The following RPA3 variants were observed in gnomAD, a reference collection of about 807,000 sequenced individuals.
RPA3 encodes the protein replication protein A 14 kDa subunit.
RPA3 carries 24 observed loss-of-function variants against 13.7 expected under a neutral mutation model. That is an observed-to-expected ratio of 1.75 (90% CI 1.27 to 2.46). The LOEUF (loss-of-function observed/expected upper bound fraction) is 2.46. RPA3 is among the 30% of genes most tolerant of loss of function. The pLI, the probability that RPA3 is intolerant of heterozygous loss-of-function variation, is 0.00. For synonymous variants in RPA3, 59 were observed against 51.2 expected (o/e 1.15, Z -0.65); for missense variants, 183 against 151.0 (o/e 1.21, Z -1.11).
chr7:7,644,214 G>T (rs1785042458), intron 4 of RPA3, among the ~76,000 whole-genome samples: 1 of 151,822 alleles, frequency 6.6e-6, no homozygotes, highest in African/African-American at 2.4e-5. Context: ...GATTTTTATT[G>T]GTTATTTATG....
chr7:7,643,691 C>G (rs554074468), intron 4 of RPA3, among the ~76,000 whole-genome samples: 31 of 147,254 alleles, frequency 2.1e-4, no homozygotes, highest in African/African-American at 7.1e-4. Flanking sequence ...CAACCTGGGC[C>G]ACAGAGCGAG....
intron 2 of RPA3, among the ~76,000 whole-genome samples, chr7:7,703,722 T>G (rs778543713): frequency 6.6e-6 from 1 of 152,146 alleles, no homozygotes; most frequent in Non-Finnish European, 1.5e-5. Context: ...GGCAGATCGC[T>G]TGAGCCCAGG....
Position 7,639,070 on chromosome 7 carries a change from G to C in RPA3, c.174C>G (p.Pro58=), listed in dbSNP as rs143454521. The C allele has an allele frequency of 6.2e-7, 1 of 1,607,496 alleles. No homozygotes were observed. Among genetic ancestry groups the C allele is most frequent in the Non-Finnish European group, 8.5e-7 (1 of 1,176,424 alleles). The part of the protein sequence containing the change: ...GKNGTIELME[P]LDEEISGIVE... Reference sequence around the variant, plus strand: ...GAGACTTATTAACACTTAAACATACGGGTTCCATCAACTCGATGGTTCCAT... The same window carrying C: ...GAGACTTATTAACACTTAAACATACCGGTTCCATCAACTCGATGGTTCCAT... The change falls in exon 6 of 8, where the codon CCC becomes CCG. Residue 58 remains proline, a splice_region_variant and synonymous_variant. Transcript: ENST00000223129.
chr7:7,677,658 T>TGATGGAGACAC (rs1563112336), intron 4 of RPA3, among the ~76,000 whole-genome samples: 8 of 31,172 alleles, frequency 2.6e-4, no homozygotes, highest in African/African-American at 5.2e-4. Flanking sequence ...ATTCATCTGT[T>TGATGGAGACAC]TTTTTGTTTT....
At chr7:7,716,789 C>T (rs147040048) in intron 1 of RPA3, among the ~76,000 whole-genome samples, 1 of 152,218 alleles carries the variant, frequency 6.6e-6, no homozygotes, top group East Asian at 1.9e-4. Flanking sequence ...ACTAAAAGCA[C>T]AAAAAAATTA....
At chr7:7,660,812 G>T (rs572216535) in intron 4 of RPA3, among the ~76,000 whole-genome samples, 6 of 152,234 alleles carry the variant, frequency 3.9e-5, no homozygotes, top group African/African-American at 1.4e-4. Context: ...TATCTTTGTG[G>T]TGTTCTCTGT....
intron 4 of RPA3, among the ~76,000 whole-genome samples, chr7:7,678,776 A>AAT (rs373685552): frequency 0.076 from 1,088 of 14,344 alleles, 1 homozygote; most frequent in East Asian, 0.22. Flanking sequence ...TTAGTTTATA[A>AAT]ATATATTTAT....
chr7:7,643,892 C>CT (rs1785035724), intron 4 of RPA3, among the ~76,000 whole-genome samples: 1 of 152,106 alleles, frequency 6.6e-6, no homozygotes. Flanking sequence ...GCCTGGGTCT[C>CT]TGTTTCTGCT....
rs28916315 is a variant in RPA3 at position 7,637,045 on chromosome 7, A to G, written c.321T>C (p.His107=). Residue 107 remains histidine, a synonymous_variant, in exon 8 of 8, where the codon CAT becomes CAC. Transcript: ENST00000223129. The part of the protein sequence containing the change: ...GLYNEAVKII[H]DFPQFYPLGI... ...CTAAAGGATAAAACTGAGGGAAGTC[A>G]TGGATAATTTTCACAGCTTCATTGT... 72 of 1,613,076 alleles carry G rather than the reference A, an allele frequency of 4.5e-5. No homozygotes were observed. Among genetic ancestry groups the G allele is most frequent in the African/African-American group, 4.0e-4 (30 of 75,050 alleles).
At chr7:7,679,970 T>C (rs1467881506) in intron 4 of RPA3, among the ~76,000 whole-genome samples, 1 of 152,036 alleles carries the variant, frequency 6.6e-6, no homozygotes, top group Non-Finnish European at 1.5e-5. Flanking sequence ...TTGCAAATAT[T>C]TTCTCCCATT....
intron 2 of RPA3, among the ~76,000 whole-genome samples, chr7:7,694,034 A>T (rs1244583224): frequency 1.3e-5 from 2 of 152,110 alleles, no homozygotes; most frequent in East Asian, 3.8e-4. Flanking sequence ...GTTTTTTTCA[A>T]CTGAGTCATT....
At chr7:7,667,674 T>C (rs1420388826) in intron 4 of RPA3, among the ~76,000 whole-genome samples, 1 of 152,216 alleles carries the variant, frequency 6.6e-6, no homozygotes, top group Non-Finnish European at 1.5e-5. Flanking sequence ...AGCATAGAGC[T>C]GAGCAAGGCT....
At chr7:7,673,341 AG>A in intron 4 of RPA3, 1 of 1,258,320 alleles carries the variant, frequency 7.9e-7, no homozygotes, top group Non-Finnish European at 1.1e-6. Flanking sequence ...CAGCAGCAGC[AG>A]CAGCAGCAGC....
chr7:7,701,450 A>T (rs1780460604), intron 2 of RPA3, among the ~76,000 whole-genome samples: 1 of 152,160 alleles, frequency 6.6e-6, no homozygotes, highest in Non-Finnish European at 1.5e-5. Context: ...GCTCAACTTC[A>T]TTTGCCATCC....
At chr7:7,653,718 G>A (rs1216992601) in intron 4 of RPA3, among the ~76,000 whole-genome samples, 1 of 152,182 alleles carries the variant, frequency 6.6e-6, no homozygotes, top group South Asian at 2.1e-4. Context: ...GCTGCTGAGT[G>A]GTTAATGTTG....
chr7:7,656,772 C>T (rs1024018842), intron 4 of RPA3, among the ~76,000 whole-genome samples: 2 of 152,332 alleles, frequency 1.3e-5, no homozygotes, highest in South Asian at 4.1e-4. Flanking sequence ...CTGCAATAAA[C>T]ATACGTGCGC....
intron 2 of RPA3, among the ~76,000 whole-genome samples, chr7:7,712,348 T>G (rs1427732386): frequency 6.6e-6 from 1 of 152,198 alleles, no homozygotes; most frequent in Admixed American, 6.5e-5. Flanking sequence ...CAGAAATATA[T>G]TTCTGTCCAT....
intron 4 of RPA3, among the ~76,000 whole-genome samples, chr7:7,678,492 T>TATATATTTATATATTTAATATAGATAA (rs1431325900): frequency 7.1e-6 from 1 of 140,998 alleles, no homozygotes; most frequent in African/African-American, 2.6e-5. Context: ...TTATAGATAA[T>TATATATTTATATATTTAATATAGATAA]ATATATTTAT....
At chr7:7,648,894 C>G (rs1785157670) in intron 4 of RPA3, among the ~76,000 whole-genome samples, 1 of 151,572 alleles carries the variant, frequency 6.6e-6, no homozygotes. Context: ...CGCGGTCGCT[C>G]ACACTTGTAA....
Sources: allele counts gnomAD v4.1 joint callset (sites outside exome capture counted in the v4.1 genomes callset), GRCh38; gene constraint gnomAD v4.1.1; transcripts MANE v1.5; gene names NCBI Gene and HGNC (gene_info 2026-07-23, HGNC 2026-07-21).